Variants in PTPRT observed in about 807,000 individuals in gnomAD.
PTPRT encodes the protein receptor-type tyrosine-protein phosphatase T.
In PTPRT, 56 loss-of-function variants were observed where a neutral mutation model predicts 176.8. The observed-to-expected ratio is 0.32, with a 90% CI of 0.26 to 0.40. The LOEUF (loss-of-function observed/expected upper bound fraction) is 0.40. Among genes scored for constraint, PTPRT ranks in the 10% least tolerant of loss-of-function variants. The probability of loss-of-function intolerance (pLI) is 1.00; values close to 1 mark genes in which losing one functional copy is unlikely to be tolerated. For missense variants in PTPRT, 1,540 were observed against 1,908.2 expected (o/e 0.81, Z 3.60); for synonymous variants, 783 against 739.0 (o/e 1.06, Z -0.96).
chr20:42,261,306 C>T (rs1195543181), intron 13 of PTPRT, among the ~76,000 whole-genome samples: 2 of 152,096 alleles, frequency 1.3e-5, no homozygotes, highest in East Asian at 3.9e-4. Flanking sequence ...TCTGTCTTTA[C>T]ATGATGTTTT....
chr20:42,733,515 G>A (rs1042527344), intron 6 of PTPRT, among the ~76,000 whole-genome samples: 3 of 152,104 alleles, frequency 2.0e-5, no homozygotes, highest in Admixed American at 6.5e-5. Context: ...TGCCCTTCTC[G>A]ACATAGGCCC....
chr20:42,166,339 C>T (rs938276682), intron 16 of PTPRT, among the ~76,000 whole-genome samples: 13 of 152,206 alleles, frequency 8.5e-5, no homozygotes. Context: ...TAGTCACTGG[C>T]CATCTGTGGC....
At chr20:42,351,685 A>AATTC (rs56938076) in intron 10 of PTPRT, among the ~76,000 whole-genome samples, 4,194 of 150,928 alleles carry the variant, frequency 0.028, 71 homozygotes, top group Non-Finnish European at 0.035. Flanking sequence ...CTATAATAGT[A>AATTC]ATTCATTCAT....
At chr20:43,073,396 T>C (rs2011207552) in intron 1 of PTPRT, among the ~76,000 whole-genome samples, 1 of 151,898 alleles carries the variant, frequency 6.6e-6, no homozygotes, top group Non-Finnish European at 1.5e-5. Flanking sequence ...GTTACTCTAA[T>C]CATGCATCCT....
the PTPRT span, among the ~76,000 whole-genome samples, chr20:42,065,753 G>T: frequency 5.3e-5 from 8 of 152,206 alleles, no homozygotes; most frequent in East Asian, 1.5e-3. Flanking sequence ...CAAGGAGGGT[G>T]AGCGGTGTAA....
intron 7 of PTPRT, among the ~76,000 whole-genome samples, chr20:42,607,200 G>A (rs1046459915): frequency 4.6e-5 from 7 of 152,300 alleles, no homozygotes; most frequent in South Asian, 2.1e-4. Flanking sequence ...AGAGGGAAAT[G>A]AAGAGTTCGT....
chr20:42,937,307 G>A (rs996661194), intron 1 of PTPRT, among the ~76,000 whole-genome samples: 2 of 152,154 alleles, frequency 1.3e-5, no homozygotes, highest in African/African-American at 4.8e-5. Context: ...CAGAGACTGT[G>A]GCTCTCAAGC....
At chr20:42,790,311 CCAATCTGTGCGCTGTGT>C (rs2077354900) in intron 3 of PTPRT, among the ~76,000 whole-genome samples, 2 of 151,680 alleles carry the variant, frequency 1.3e-5, no homozygotes, top group East Asian at 3.9e-4. Context: ...TGGATTGGTG[CCAATCTGTGCGCTGTGT>C]GCATCAGTTC....
At chr20:42,509,052 TTTAATTTATAG>T (rs2071908066) in intron 7 of PTPRT, among the ~76,000 whole-genome samples, 1 of 16,464 alleles carries the variant, frequency 6.1e-5, no homozygotes, top group Non-Finnish European at 8.7e-5. Context: ...ATAATTTATA[TTTAATTTATAG>T]ATATAAATCA....
At chr20:42,784,867 T>C (rs1051779460) in intron 3 of PTPRT, among the ~76,000 whole-genome samples, 1 of 152,190 alleles carries the variant, frequency 6.6e-6, no homozygotes, top group African/African-American at 2.4e-5. Flanking sequence ...TTAGAAAATA[T>C]GAAATCAAAT....
At chr20:42,885,370 A>C (rs933567291) in intron 2 of PTPRT, among the ~76,000 whole-genome samples, 1 of 148,258 alleles carries the variant, frequency 6.7e-6, no homozygotes, top group Non-Finnish European at 1.5e-5. Flanking sequence ...ATATGATAAT[A>C]TATAACAATA....
chr20:42,977,629 T>C (rs943617138), intron 1 of PTPRT, among the ~76,000 whole-genome samples: 3 of 152,112 alleles, frequency 2.0e-5, no homozygotes, highest in African/African-American at 4.8e-5. Flanking sequence ...AAATCAGTAC[T>C]AGATTGTATA....
chr20:42,683,603 C>A (rs1182077393), intron 6 of PTPRT, among the ~76,000 whole-genome samples: 1 of 152,128 alleles, frequency 6.6e-6, no homozygotes, highest in Admixed American at 6.5e-5. Context: ...CTAAACCATG[C>A]CTATTTTTCT....
intron 15 of PTPRT, among the ~76,000 whole-genome samples, chr20:42,209,151 G>A (rs1056147055): frequency 2.6e-5 from 4 of 152,208 alleles, no homozygotes; most frequent in Non-Finnish European, 4.4e-5. Flanking sequence ...AAAGCAGTGT[G>A]TAGAAGTAAA....
intron 1 of PTPRT, among the ~76,000 whole-genome samples, chr20:43,093,120 T>C (rs139829749): frequency 5.9e-5 from 9 of 152,366 alleles, no homozygotes; most frequent in Non-Finnish European, 8.8e-5. Flanking sequence ...ATAACAAGCA[T>C]GTATTATTTA....
chr20:42,474,594 A>G (rs1054808075), intron 7 of PTPRT, among the ~76,000 whole-genome samples: 2 of 152,200 alleles, frequency 1.3e-5, no homozygotes, highest in Admixed American at 6.5e-5. Context: ...AGAATGTGAC[A>G]TTGAACAAGC....
intron 26 of PTPRT, among the ~76,000 whole-genome samples, chr20:42,099,060 A>G (rs757343683): frequency 1.3e-5 from 2 of 152,230 alleles, no homozygotes; most frequent in Non-Finnish European, 1.5e-5. Flanking sequence ...ATGTGAGTCA[A>G]TGGGGCAGTG....
At chr20:42,191,821 A>G (rs1031447221) in intron 16 of PTPRT, among the ~76,000 whole-genome samples, 1 of 152,226 alleles carries the variant, frequency 6.6e-6, no homozygotes, top group Non-Finnish European at 1.5e-5. Context: ...AGAATACATT[A>G]TGAGAAAAGA....
Position 42,217,423 on chromosome 20 carries a change from AC to A in PTPRT, c.2343-18036del, listed in dbSNP as rs1568681337. Among the ~76,000 whole-genome samples the A allele has an allele frequency of 5.2e-4, 46 of 88,640 alleles. 1 individual carries two copies. The highest frequency in any genetic ancestry group is 2.9e-3 in the African/African-American group (44 of 15,158). The allele number at this position is 88,640 out of a possible 152,430, so 58.2% of individuals were successfully genotyped here. On this transcript the variant is annotated intron_variant, in intron 15 of 30. Transcript: ENST00000373187. ...CACACACACACACACACACACACACACAGAACATTACGTCCATCCCCCACTC... is the reference window on the plus strand; with the variant it reads ...CACACACACACACACACACACACACAAGAACATTACGTCCATCCCCCACTC...
Sources: gnomAD v4.1 joint callset for allele counts (sites outside exome capture counted in the v4.1 genomes callset) on GRCh38, gnomAD v4.1.1 for gene constraint, MANE v1.5 for transcripts, NCBI Gene and HGNC (gene_info 2026-07-23, HGNC 2026-07-21) for gene names.